CD320: variants seen among roughly 807,000 people sequenced by gnomAD.
CD320 encodes the protein CD320 antigen.
A neutral mutation model predicts 22.1 loss-of-function variants in CD320; 16 were observed. That is an observed-to-expected ratio of 0.73 (90% CI 0.49 to 1.10). The LOEUF is 1.10. CD320 is among the 50% of genes least tolerant of loss of function. The pLI, the probability that CD320 is intolerant of heterozygous loss-of-function variation, is 0.00. For synonymous variants in CD320, 188 were observed against 167.8 expected (o/e 1.12, Z -0.93); for missense variants, 388 against 376.9 (o/e 1.03, Z -0.24).
At chr19:8,308,055 G>A (rs891952469) in intron 1 of CD320, 94 bp downstream of exon 1, 30 of 1,229,778 alleles carry the variant, frequency 2.4e-5, no homozygotes, top group Non-Finnish European at 3.0e-5. Context: ...ATGAACTGAC[G>A]TGCGGTGCAG....
chr19:8,306,997 C>A (rs1970097738), intron 1 of CD320, among the ~76,000 whole-genome samples: 1 of 152,090 alleles, frequency 6.6e-6, no homozygotes, highest in Admixed American at 6.6e-5. Flanking sequence ...ACCTCAACAT[C>A]CTGAGAAAAA....
intron 1 of CD320, among the ~76,000 whole-genome samples, chr19:8,307,098 T>A (rs1226496732): frequency 6.6e-6 from 1 of 151,686 alleles, no homozygotes; most frequent in East Asian, 1.9e-4. Context: ...TCGAGACCAG[T>A]CTGGCCAACA....
rs2913943 is a variant in CD320, at chr19:8,303,558, G to T, written c.502+297C>A. On this transcript the variant is annotated intron_variant, in intron 3 of 4. Coordinates refer to ENST00000301458, the MANE Select transcript of CD320 (RefSeq NM_016579.4). ...CTCCTGAGTAGCTCGGATTACAGGTGTGTGCCACCATGCCCAGCAAATTTT... is the reference window on the plus strand; with the variant it reads ...CTCCTGAGTAGCTCGGATTACAGGTTTGTGCCACCATGCCCAGCAAATTTT... 0.55 allele frequency among the ~76,000 whole-genome samples: 83,904 copies of T among 151,958 alleles called. 24,759 individuals carry two copies. Among genetic ancestry groups the T allele is most frequent in the Non-Finnish European group, 0.67 (45,823 of 67,946 alleles).
chr19:8,305,954 G>A (rs575456921), intron 1 of CD320: 2 of 152,234 alleles, frequency 1.3e-5, no homozygotes, highest in African/African-American at 4.8e-5. Flanking sequence ...CAGTGGGTGG[G>A]AAACTGAGGC....
rs780952537 is a variant in CD320 at position 8,305,176 on chromosome 19, G to T, written c.143-20C>A. 1 of 1,575,690 alleles carries T rather than the reference G, an allele frequency of 6.3e-7. No individual in the cohort carries two copies. Among genetic ancestry groups the T allele is most frequent in the Non-Finnish European group, 8.6e-7 (1 of 1,161,094 alleles). On this transcript the variant is annotated intron_variant, in intron 1 of 4. Coordinates refer to ENST00000301458, the MANE Select transcript of CD320 (RefSeq NM_016579.4). ...TGGGGCCTGCGAGATGGATGCAAAT[G>T]AAGCCTGGGAAGCTGGAGGCTGGAC...
chr19:8,306,810 C>A (rs1469774622), intron 1 of CD320, among the ~76,000 whole-genome samples: 1 of 152,206 alleles, frequency 6.6e-6, no homozygotes, highest in Non-Finnish European at 1.5e-5. Context: ...ACAGCCCTGA[C>A]ACCTCTGACC....
At chr19:8,302,632 T>C (rs1258613562) in intron 4 of CD320, 27 bp from the exon 5 acceptor site, 1 of 1,609,866 alleles carries the variant, frequency 6.2e-7, no homozygotes, top group Non-Finnish European at 8.5e-7. Context: ...GACAGAGGAG[T>C]AAGGAGGGGG....
In CD320 at chr19:8,302,540, G is replaced by A. The variant is rs146190802; in HGVS notation, c.772C>T (p.Arg258Cys). Residue 258 changes from arginine to cysteine, a missense_variant, in exon 5 of 5, where the codon CGC becomes TGC. Physicochemically the swap from Arg to Cys is radical, Grantham distance 180. Transcript: ENST00000301458. ...ACCAGTAACCCCAGTGGGCGGAGGC[G>A]CTCCTGGGCTCGGAGCCAGGACAAA... ...LLLSWLRAQE[R>C]LRPLGLLVAM... is the part of the protein sequence containing the mutation. The A allele has an allele frequency of 9.1e-3, 14,724 of 1,613,784 alleles. 1,302 individuals carry two copies. In the South Asian group the frequency reaches 0.15, roughly 17 times the overall value.
At chr19:8,308,021 A>C in intron 1 of CD320, 128 bp downstream of exon 1, 2 of 990,328 alleles carry the variant, frequency 2.0e-6, no homozygotes, top group South Asian at 3.8e-5. Flanking sequence ...GATGAAGTCC[A>C]AGTCCACGTG....
intron 1 of CD320, chr19:8,305,633 G>A (rs777491568): frequency 1.4e-4 from 23 of 169,678 alleles, no homozygotes; most frequent in Admixed American, 1.7e-4. Flanking sequence ...TTAAACCTGG[G>A]AGATGGAGGT....
intron 3 of CD320, among the ~76,000 whole-genome samples, 200 bp from the exon 4 acceptor site, chr19:8,303,180 A>C (rs950263081): frequency 1.4e-5 from 2 of 147,278 alleles, no homozygotes; most frequent in Non-Finnish European, 3.0e-5. Context: ...GCAGTGGCGC[A>C]ATATTGGCTC....
chr19:8,307,854 G>A (rs1376079030), intron 1 of CD320, among the ~76,000 whole-genome samples: 1 of 152,194 alleles, frequency 6.6e-6, no homozygotes, highest in Non-Finnish European at 1.5e-5. Context: ...CTGGTATGAA[G>A]GGCGGCTTGG....
rs1459500322 is a variant in CD320, at chr19:8,304,055, G to A, written c.302C>T (p.Pro101Leu). The change falls in exon 3 of 5, where the codon CCA (proline) becomes CTA (leucine). Residue 101 changes from proline (P) to leucine (L), a missense_variant. Transcript: ENST00000301458. ...IEPCTQKGQC[P>L]PPPGLPCPCT... is the part of the protein sequence containing the mutation. ...GGGGCAGGGGAGGCCAGGGGGCGGT[G>A]GGCATTGCCCTTTCTGGGTACATGG... 1.3e-6 allele frequency: 2 copies of A among 1,550,698 alleles called. No individual in the cohort carries two copies. Among genetic ancestry groups the A allele is most frequent in the Admixed American group, 1.9e-5 (1 of 51,444 alleles).
At chr19:8,305,471 G>A in intron 1 of CD320, 1 of 333,242 alleles carries the variant, frequency 3.0e-6, no homozygotes, top group South Asian at 2.6e-5. Context: ...ACTTTGGCAG[G>A]CCGAGGCAGG....
At chr19:8,303,547 G>A (rs558545290) in intron 3 of CD320, among the ~76,000 whole-genome samples, 2 of 152,196 alleles carry the variant, frequency 1.3e-5, no homozygotes, top group South Asian at 2.1e-4. Context: ...TGAGTAGCTC[G>A]GATTACAGGT....
At chr19:8,303,128 T>TC in intron 3 of CD320, 148 bp from the exon 4 acceptor site, 1 of 689,816 alleles carries the variant, frequency 1.4e-6, no homozygotes, top group Non-Finnish European at 2.5e-6. Context: ...TTTTTTTTTT[T>TC]TTTTTGGAGA....
chr19:8,304,126 CAAG>C, intron 2 of CD320, 38 bp from the exon 3 acceptor site: 1 of 1,068,726 alleles, frequency 9.4e-7, no homozygotes, highest in Non-Finnish European at 1.4e-6. Flanking sequence ...AATGCCCACC[CAAG>C]AAGGCCCAGG....
At chr19:8,308,013 T>C (rs1970119126) in intron 1 of CD320, 136 bp downstream of exon 1, 2 of 928,974 alleles carry the variant, frequency 2.2e-6, no homozygotes, top group Non-Finnish European at 3.0e-6. Flanking sequence ...CCACAAGCGA[T>C]GAAGTCCAAG....
chr19:8,302,639 G>A (rs752061440), intron 4 of CD320, 34 bp from the exon 5 acceptor site: 1 of 1,610,166 alleles, frequency 6.2e-7, no homozygotes. Context: ...GAGTAAGGAG[G>A]GGGAAGGCAA....
Sources: allele counts gnomAD v4.1 joint callset (sites outside exome capture counted in the v4.1 genomes callset), GRCh38; gene constraint gnomAD v4.1.1; transcripts MANE v1.5; gene names NCBI Gene and HGNC (gene_info 2026-07-23, HGNC 2026-07-21).